The following GLCCI1 variants were observed in gnomAD, a reference collection of about 807,000 sequenced individuals.
GLCCI1 encodes the protein glucocorticoid-induced transcript 1 protein.
A neutral mutation model predicts 52.2 loss-of-function variants in GLCCI1; 24 were observed. That is an observed-to-expected ratio of 0.46 (90% CI 0.33 to 0.65). The LOEUF (loss-of-function observed/expected upper bound fraction) is 0.65, where lower values mean the gene tolerates loss of function less well. Among genes scored for constraint, GLCCI1 ranks in the 30% least tolerant of loss-of-function variants. The pLI is 0.02. For synonymous variants in GLCCI1, 310 were observed against 276.5 expected, an observed-to-expected ratio of 1.12 and a Z score of -1.20; for missense variants, 704 against 701.5, an observed-to-expected ratio of 1.00 and a Z score of -0.04.
At chr7:8,015,116 A>C (rs1781350082) in intron 2 of GLCCI1, among the ~76,000 whole-genome samples, 1 of 152,230 alleles carries the variant, frequency 6.6e-6, no homozygotes, top group Non-Finnish European at 1.5e-5. Context: ...CATTCAATAA[A>C]GTTAACTAAC....
At chr7:8,057,701 T>C (rs1584006959) in intron 4 of GLCCI1, among the ~76,000 whole-genome samples, 1 of 152,332 alleles carries the variant, frequency 6.6e-6, no homozygotes, top group East Asian at 1.9e-4. Context: ...GCATTTGAAG[T>C]GAAAATTCTT....
intron 2 of GLCCI1, among the ~76,000 whole-genome samples, chr7:8,007,022 C>T (rs567267557): frequency 1.3e-5 from 2 of 152,316 alleles, no homozygotes; most frequent in South Asian, 4.1e-4. Context: ...TATTCTACAG[C>T]CAGGCATGGG....
chr7:7,969,625 TG>T lies in GLCCI1; in HGVS notation c.278del (p.Gly93AlafsTer75). The T allele has an allele frequency of 2.0e-6, 2 of 1,021,342 alleles. No individual in the cohort carries two copies. The highest frequency in any genetic ancestry group is 3.8e-5 in the South Asian group (1 of 26,128). 63.3% of individuals were successfully genotyped at this position (1,021,342 alleles called of 1,614,324 possible). On this transcript the variant is annotated frameshift_variant, in exon 1 of 8. Coordinates refer to ENST00000223145, the MANE Select transcript of GLCCI1 (RefSeq NM_138426.4). LOFTEE classifies it high-confidence loss of function. The surrounding 1 kb of genome is among the most constrained non-coding windows in gnomAD (Gnocchi z 4.9). ...CCCGTCGCCGCTGCCGCCGCCTCGC[TG>T]GGCAGCCTCCCGGGGCCCGGCGCGG... ...RPPVAAAAASLGSLPGPGAAR... is the reference protein window; with the variant it reads ...RPPVAAAAASXGSLPGPGAAR...
chr7:8,082,460 C>A (rs1308757190), intron 6 of GLCCI1, among the ~76,000 whole-genome samples: 1 of 152,100 alleles, frequency 6.6e-6, no homozygotes, highest in Non-Finnish European at 1.5e-5. Context: ...CATTCCCTGA[C>A]CCCTATTTAC....
At chr7:8,002,042 C>T (rs532563871) in intron 1 of GLCCI1, among the ~76,000 whole-genome samples, 2 of 151,838 alleles carry the variant, frequency 1.3e-5, no homozygotes, top group Non-Finnish European at 2.9e-5. Context: ...ACATGTATAC[C>T]TATGTAACAA....
At chr7:7,970,437 C>G (rs1275617856) in intron 1 of GLCCI1, 2 of 151,400 alleles carry the variant, frequency 1.3e-5, no homozygotes, top group South Asian at 2.1e-4. Flanking sequence ...TCCCCCTCCC[C>G]TTTATATATT....
chr7:8,030,082 G>A (rs1781712134), intron 3 of GLCCI1, among the ~76,000 whole-genome samples: 1 of 152,058 alleles, frequency 6.6e-6, no homozygotes, highest in African/African-American at 2.4e-5. Context: ...ACCCAGAATA[G>A]CCAAAGCTGT....
chr7:8,060,725 A>T (rs1782495561), intron 5 of GLCCI1, among the ~76,000 whole-genome samples: 1 of 152,212 alleles, frequency 6.6e-6, no homozygotes, highest in South Asian at 2.1e-4. Context: ...GTCATCAATT[A>T]ATGGAAATTT....
chr7:8,070,811 A>G, intron 5 of GLCCI1, 110 bp from the exon 6 acceptor site: 2 of 908,640 alleles, frequency 2.2e-6, no homozygotes, highest in Non-Finnish European at 3.4e-6. Flanking sequence ...TTTGAAGAAT[A>G]AACTGGGTCA....
chr7:8,033,066 G>A (rs1349200473), intron 3 of GLCCI1, among the ~76,000 whole-genome samples: 5 of 151,894 alleles, frequency 3.3e-5, no homozygotes, highest in African/African-American at 1.2e-4. Flanking sequence ...GAGTAAGTGG[G>A]ATTTGTCCAA....
At chr7:8,023,821 A>G (rs953941334) in intron 3 of GLCCI1, among the ~76,000 whole-genome samples, 3 of 151,088 alleles carry the variant, frequency 2.0e-5, no homozygotes, top group East Asian at 1.9e-4. Context: ...CTAGTCTCGA[A>G]CTCCTGACCT....
At chr7:8,009,531 C>T (rs1409074603) in intron 2 of GLCCI1, among the ~76,000 whole-genome samples, 1 of 152,216 alleles carries the variant, frequency 6.6e-6, no homozygotes, top group Non-Finnish European at 1.5e-5. Flanking sequence ...TTCTACTTCT[C>T]TGCCCACTTG....
Position 8,086,657 on chromosome 7 carries a change from A to G in GLCCI1, c.*119A>G, listed in dbSNP as rs1205088371. On this transcript the variant is annotated 3_prime_UTR_variant, in exon 8 of 8. Transcript: ENST00000223145. This position sits in a 1 kb window ranked among gnomAD's most constrained non-coding sequence, Gnocchi z 4.4. Reference sequence around the variant, plus strand: ...CACCAATAATACTTATCAGCATCATAAAGTATCTCTTAAACACTGATCTTG... The same window carrying G: ...CACCAATAATACTTATCAGCATCATGAAGTATCTCTTAAACACTGATCTTG... The G allele has an allele frequency of 7.5e-5, 61 of 810,714 alleles. No homozygotes were observed. The highest frequency in any genetic ancestry group is 1.4e-4 in the African/African-American group (8 of 58,068). 50.2% of individuals were successfully genotyped at this position (810,714 alleles called of 1,614,324 possible).
chr7:7,970,022 C>G (rs1164100612), intron 1 of GLCCI1: 10 of 423,894 alleles, frequency 2.4e-5, no homozygotes. Context: ...CTCAGAGTCT[C>G]TCTTCCATCA....
intron 4 of GLCCI1, among the ~76,000 whole-genome samples, chr7:8,056,376 T>C (rs966222448): frequency 1.3e-5 from 2 of 152,332 alleles, no homozygotes; most frequent in Non-Finnish European, 1.5e-5. Flanking sequence ...ATTGAAATCT[T>C]TACTTCCTTC....
intron 5 of GLCCI1, among the ~76,000 whole-genome samples, chr7:8,069,571 G>A (rs756664121): frequency 2.0e-5 from 3 of 152,184 alleles, no homozygotes; most frequent in South Asian, 4.1e-4. Context: ...GTGGGGTGCC[G>A]AGGGCTCACA....
At chr7:7,993,315 T>C (rs1219089682) in intron 1 of GLCCI1, among the ~76,000 whole-genome samples, 1 of 152,224 alleles carries the variant, frequency 6.6e-6, no homozygotes, top group Non-Finnish European at 1.5e-5. Flanking sequence ...TCTGCTCTCT[T>C]CCTGACTCCG....
intron 1 of GLCCI1, among the ~76,000 whole-genome samples, chr7:7,985,130 G>C (rs902883945): frequency 6.6e-6 from 1 of 152,152 alleles, no homozygotes; most frequent in Non-Finnish European, 1.5e-5. Flanking sequence ...GGTTAGTGCT[G>C]TAGATTATGA....
At position 8,030,005 on chromosome 7, in the gene GLCCI1, T is replaced by C. The variant is rs541130925; in HGVS notation, c.696+7436T>C. ...GCAATCTTAGATTCAATGCAATTCC[T>C]ATCAAAATACCAATGAAATTCTTCA... On this transcript the variant is annotated intron_variant, in intron 3 of 7. Coordinates refer to ENST00000223145, the MANE Select transcript of GLCCI1 (RefSeq NM_138426.4). Among the ~76,000 whole-genome samples the C allele has an allele frequency of 2.4e-4, 37 of 152,252 alleles. 2 individuals are homozygous for C. In the South Asian group the frequency reaches 7.5e-3, roughly 31 times the overall value.
Sources: gnomAD v4.1 joint callset for allele counts (sites outside exome capture counted in the v4.1 genomes callset) on GRCh38, gnomAD v4.1.1 for gene constraint, Gnocchi (gnomAD v3.1) non-coding constraint, MANE v1.5 for transcripts, NCBI Gene and HGNC (gene_info 2026-07-23, HGNC 2026-07-21) for gene names.